The following ZSCAN9 variants were observed in gnomAD, a reference collection of about 807,000 sequenced individuals.
ZSCAN9 encodes zinc finger and SCAN domain-containing protein 9.
A neutral mutation model predicts 23.0 loss-of-function variants in ZSCAN9; 19 were observed. That is an observed-to-expected ratio of 0.83 (90% CI 0.58 to 1.21). The LOEUF is 1.21. Ranked by LOEUF, ZSCAN9 falls within the 50% of genes most tolerant of loss-of-function variation. The pLI is 0.00. For synonymous variants in ZSCAN9, 155 were observed against 164.8 expected (o/e 0.94, Z 0.46); for missense variants, 467 against 471.5 (o/e 0.99, Z 0.09).
chr6:28,232,161 G>A (rs76158636), intron 3 of ZSCAN9, among the ~76,000 whole-genome samples: 6 of 152,086 alleles, frequency 3.9e-5, no homozygotes, highest in South Asian at 2.1e-4. Flanking sequence ...GCGAAACCGC[G>A]TCTGTACTAA....
chr6:28,230,008 C>T (rs1020719645), intron 3 of ZSCAN9, among the ~76,000 whole-genome samples: 22 of 152,112 alleles, frequency 1.4e-4, no homozygotes, highest in Non-Finnish European at 2.5e-4. Context: ...CAGGCACCCG[C>T]CACCATGCCC....
Position 28,227,063 on chromosome 6 carries a change from T to G in ZSCAN9, c.-22T>G. ...AGCATAGCTCCAGCTGGAGGGTACC[T>G]TTTAAGCTGTTCAAGGTCAAGATGA... On this transcript the variant is annotated 5_prime_UTR_variant, in exon 2 of 4. Coordinates refer to ENST00000252207, the MANE Select transcript of ZSCAN9 (RefSeq NM_006299.5). 6.2e-7 allele frequency: 1 copy of G among 1,604,000 alleles called. No homozygotes were observed. Among genetic ancestry groups the G allele is most frequent in the Non-Finnish European group, 8.5e-7 (1 of 1,174,680 alleles).
At position 28,227,328 on chromosome 6, in the gene ZSCAN9, A is replaced by T; in HGVS notation, c.244A>T (p.Arg82Trp). ...RLQELCYQWL[R>W]PHVSTKEQIL... ...CCAGGAACTTTGCTACCAGTGGTTGAGGCCACATGTGAGCACAAAGGAGCA... is the reference window on the plus strand; with the variant it reads ...CCAGGAACTTTGCTACCAGTGGTTGTGGCCACATGTGAGCACAAAGGAGCA... The change falls in exon 2 of 4, where the codon AGG becomes TGG. Residue 82 changes from arginine (R) to tryptophan (W), a missense_variant. By Grantham distance (101) the Arg-to-Trp change is moderately radical (BLOSUM62 -3). Coordinates refer to ENST00000252207, the MANE Select transcript of ZSCAN9 (RefSeq NM_006299.5). The T allele has an allele frequency of 6.2e-7, 1 of 1,614,230 alleles. No homozygotes were observed.
At position 28,227,500 on chromosome 6, in the gene ZSCAN9, A is replaced by G. The variant is rs146985179; in HGVS notation, c.416A>G (p.His139Arg). 235 of 1,592,104 alleles carry G rather than the reference A, an allele frequency of 1.5e-4. No individual in the cohort carries two copies. In the African/African-American group the frequency reaches 2.5e-3, roughly 17 times the overall value. The change falls in exon 2 of 4, where the codon CAT becomes CGT. Residue 139 changes from histidine (H) to arginine (R), a missense_variant. His to Arg is a conservative substitution (Grantham distance 29, BLOSUM62 0). Transcript: ENST00000252207. ...GAGAGAGAGCTCGATGAACCACAACATGAGGTAGGAAGGGAGATTTGCTAG... is the reference window on the plus strand; with the variant it reads ...GAGAGAGAGCTCGATGAACCACAACGTGAGGTAGGAAGGGAGATTTGCTAG... Reference protein sequence around the residue: ...DLERELDEPQHEMVAHRHRQE... With the variant: ...DLERELDEPQREMVAHRHRQE...
chr6:28,228,289 C>T (rs570281430), intron 3 of ZSCAN9: 16 of 492,386 alleles, frequency 3.2e-5, no homozygotes, highest in African/African-American at 2.2e-4. Context: ...GACTGGTTGT[C>T]TTTAACAGAA....
In ZSCAN9 at chr6:28,232,865, T is replaced by G; in HGVS notation, c.872T>G (p.Phe291Cys). Residue 291 changes from phenylalanine to cysteine, a missense_variant, in exon 4 of 4, where the codon TTC becomes TGC. Transcript: ENST00000252207. ...PYECNECGKA[F>C]SRSSGLFNHR... Reference sequence around the variant, plus strand: ...GAATGTAATGAATGTGGGAAAGCCTTCAGTCGAAGTTCTGGTCTTTTTAAT... The same window carrying G: ...GAATGTAATGAATGTGGGAAAGCCTGCAGTCGAAGTTCTGGTCTTTTTAAT... 1 of 1,614,188 alleles carries G rather than the reference T, an allele frequency of 6.2e-7. No homozygotes were observed. The highest frequency in any genetic ancestry group is 8.5e-7 in the Non-Finnish European group (1 of 1,180,040).
Position 28,227,688 on chromosome 6 carries a change from A to C in ZSCAN9, c.421-2A>C. 6.3e-7 allele frequency: 1 copy of C among 1,586,668 alleles called. No individual in the cohort carries two copies. On this transcript the variant is annotated splice_acceptor_variant, in intron 2 of 3. Coordinates refer to ENST00000252207, the MANE Select transcript of ZSCAN9 (RefSeq NM_006299.5). LOFTEE classifies it high-confidence loss of function. ...AGTCAAATCTTGTCTTTTTGTCCCCAGATGGTGGCCCACAGACACAGACAA... is the reference window on the plus strand; with the variant it reads ...AGTCAAATCTTGTCTTTTTGTCCCCCGATGGTGGCCCACAGACACAGACAA...
chr6:28,227,694 T>C lies in ZSCAN9; in HGVS notation c.425T>C (p.Val142Ala). The C allele has an allele frequency of 6.3e-7, 1 of 1,589,862 alleles. No individual in the cohort carries two copies. Among genetic ancestry groups the C allele is most frequent in the South Asian group, 1.2e-5 (1 of 85,994 alleles). Residue 142 changes from valine to alanine, a missense_variant, in exon 3 of 4, where the codon GTG becomes GCG. Val to Ala is a moderately conservative substitution (Grantham distance 64). Transcript: ENST00000252207. ...RELDEPQHEM[V>A]AHRHRQEVLC... ...ATCTTGTCTTTTTGTCCCCAGATGG[T>C]GGCCCACAGACACAGACAAGAAGTC...
At chr6:28,228,173 A>G (rs759947641) in intron 3 of ZSCAN9, 1 of 629,752 alleles carries the variant, frequency 1.6e-6, no homozygotes, top group Non-Finnish European at 2.8e-6. Flanking sequence ...AGCTGCTTGT[A>G]TTGGGCAGAT....
chr6:28,228,393 G>A, intron 3 of ZSCAN9: 1 of 288,086 alleles, frequency 3.5e-6, no homozygotes, highest in Non-Finnish European at 6.5e-6. Context: ...CTTATAGATG[G>A]CCATCTTCTT....
chr6:28,228,390 A>G, intron 3 of ZSCAN9: 1 of 294,740 alleles, frequency 3.4e-6, no homozygotes, highest in Non-Finnish European at 6.3e-6. Context: ...TGGCTTATAG[A>G]TGGCCATCTT....
chr6:28,229,515 A>G (rs1310551437), intron 3 of ZSCAN9, among the ~76,000 whole-genome samples: 1 of 152,138 alleles, frequency 6.6e-6, no homozygotes, highest in African/African-American at 2.4e-5. Flanking sequence ...GCATCTGGAG[A>G]CTGGAGTGTT....
Position 28,233,084 on chromosome 6 carries a change from G to C in ZSCAN9, c.1091G>C (p.Arg364Pro), listed in dbSNP as rs1038896214. ...IEHQRSHTGE[R>P]PHQCIECGKS... ...CATCAGAGAAGCCACACAGGGGAGCGACCTCACCAGTGCATTGAATGTGGG... is the reference window on the plus strand; with the variant it reads ...CATCAGAGAAGCCACACAGGGGAGCCACCTCACCAGTGCATTGAATGTGGG... The change falls in exon 4 of 4, where the codon CGA (arginine) becomes CCA (proline). Residue 364 changes from arginine to proline, a missense_variant. Coordinates refer to ENST00000252207, the MANE Select transcript of ZSCAN9 (RefSeq NM_006299.5). 10 of 1,614,180 alleles carry C rather than the reference G, an allele frequency of 6.2e-6. No homozygotes were observed. Among genetic ancestry groups the C allele is most frequent in the Non-Finnish European group, 8.5e-6 (10 of 1,180,034 alleles).
rs765764404 is a variant in ZSCAN9, at chr6:28,232,735, C to T, written c.742C>T (p.Leu248Phe). The part of the protein sequence containing the change: ...KDRIERQWGN[L>F]LGEGQHKCDE... ...TAGGATAGAGAGGCAGTGGGGAAAC[C>T]TCTTAGGAGAGGGGCAACACAAATG... The change falls in exon 4 of 4, where the codon CTC becomes TTC. Residue 248 changes from leucine (L) to phenylalanine (F), a missense_variant. Physicochemically the swap from Leu to Phe is conservative, Grantham distance 22. Transcript: ENST00000252207. 9 of 1,614,022 alleles carry T rather than the reference C, an allele frequency of 5.6e-6. No homozygotes were observed. Among genetic ancestry groups the T allele is most frequent in the Non-Finnish European group, 7.6e-6 (9 of 1,180,044 alleles).
intron 3 of ZSCAN9, among the ~76,000 whole-genome samples, 156 bp from the exon 4 acceptor site, chr6:28,232,406 G>A (rs555177661): frequency 4.6e-5 from 7 of 152,280 alleles, no homozygotes; most frequent in South Asian, 2.1e-4. Flanking sequence ...GCCAAAGAGG[G>A]CAAACGTTCC....
chr6:28,227,996 C>T (rs1244139693), intron 3 of ZSCAN9, 159 bp downstream of exon 3: 8 of 891,370 alleles, frequency 9.0e-6, no homozygotes, highest in Non-Finnish European at 1.4e-5. Flanking sequence ...ATCTTTGACC[C>T]TTCTCCCTGC....
chr6:28,232,358 A>T (rs1287345570), intron 3 of ZSCAN9, among the ~76,000 whole-genome samples: 1 of 152,172 alleles, frequency 6.6e-6, no homozygotes, highest in Admixed American at 6.5e-5. Flanking sequence ...ACAACGACTC[A>T]GGCCAAGTCT....
At chr6:28,225,794 T>C (rs1402535149) in intron 1 of ZSCAN9, among the ~76,000 whole-genome samples, 1 of 152,218 alleles carries the variant, frequency 6.6e-6, no homozygotes, top group Non-Finnish European at 1.5e-5. Context: ...CCCTTTTCCT[T>C]AGTTCATTGA....
chr6:28,227,706 A>G lies in ZSCAN9; in HGVS notation c.437A>G (p.His146Arg). The change falls in exon 3 of 4, where the codon CAC (histidine) becomes CGC (arginine). Residue 146 changes from histidine (H) to arginine (R), a missense_variant. His to Arg is a conservative substitution (Grantham distance 29). Transcript: ENST00000252207. ...EPQHEMVAHR[H>R]RQEVLCKEMV... is the part of the protein sequence containing the mutation. The stretch of plus-strand genomic sequence containing the variant: ...TGTCCCCAGATGGTGGCCCACAGAC[A>G]CAGACAAGAAGTCCTCTGTAAAGAG... 6.3e-7 allele frequency: 1 copy of G among 1,598,294 alleles called. No homozygotes were observed. The highest frequency in any genetic ancestry group is 8.5e-7 in the Non-Finnish European group (1 of 1,176,344).
Sources: allele counts gnomAD v4.1 joint callset (sites outside exome capture counted in the v4.1 genomes callset), GRCh38; gene constraint gnomAD v4.1.1; transcripts MANE v1.5; gene names NCBI Gene and HGNC (gene_info 2026-07-23, HGNC 2026-07-21).